The following RSPH10B2 variants were observed in gnomAD, a reference collection of about 807,000 sequenced individuals.
RSPH10B2 encodes the protein radial spoke head 10 homolog B2, also known as radial spoke head 10 homolog B2 (Chlamydomonas).
A neutral mutation model predicts 49.0 loss-of-function variants in RSPH10B2; 9 were observed. The ratio of observed to expected loss-of-function variants is 0.18; its 90% confidence interval spans 0.11 to 0.32. RSPH10B2 has a LOEUF of 0.32. RSPH10B2 is among the 10% of genes least tolerant of loss of function. The probability of loss-of-function intolerance (pLI) is 1.00; values close to 1 mark genes in which losing one functional copy is unlikely to be tolerated. For synonymous variants in RSPH10B2, 35 were observed against 210.2 expected, an observed-to-expected ratio of 0.17 and a Z score of 7.21; for missense variants, 95 against 589.9, an observed-to-expected ratio of 0.16 and a Z score of 8.69.
At chr7:6,795,579 G>T (rs1350896294) in intron 17 of RSPH10B2, among the ~76,000 whole-genome samples, 1 of 117,910 alleles carries the variant, frequency 8.5e-6, no homozygotes, top group African/African-American at 3.1e-5. Flanking sequence ...TTGAGACCAT[G>T]GGCAACATAG....
At chr7:6,795,826 G>C (rs1238886362) in intron 17 of RSPH10B2, among the ~76,000 whole-genome samples, 2 of 148,394 alleles carry the variant, frequency 1.3e-5, no homozygotes, top group African/African-American at 4.9e-5. Context: ...CTATTAGGGA[G>C]GCTGAGATGG....
chr7:6,785,186 TGTGTG>T, intron 13 of RSPH10B2, among the ~76,000 whole-genome samples: 1 of 96,796 alleles, frequency 1.0e-5, no homozygotes, highest in African/African-American at 3.9e-5. Context: ...TGTGTGTGTG[TGTGTG>T]TTTGAGACAG....
rs187546419 is a variant in RSPH10B2 at position 6,780,313 on chromosome 7, T to C, written c.1530-496T>C. On this transcript the variant is annotated intron_variant, in intron 11 of 18. Transcript: ENST00000297186. ...CAAATAGTCACAACCAAGTCTTCTTTCTTACATCAGAATTTCTTGTCTTTC... is the reference window on the plus strand; with the variant it reads ...CAAATAGTCACAACCAAGTCTTCTTCCTTACATCAGAATTTCTTGTCTTTC... Among the ~76,000 whole-genome samples, 347 of 126,402 alleles carry C rather than the reference T, an allele frequency of 2.7e-3. 35 individuals are homozygous for C. The highest frequency in any genetic ancestry group is 9.6e-3 in the African/African-American group (336 of 35,182). 82.9% of individuals were successfully genotyped at this position (126,402 alleles called of 152,430 possible).
At chr7:6,790,999 ATTT>A (rs201720427) in intron 16 of RSPH10B2, among the ~76,000 whole-genome samples, 6 of 88,602 alleles carry the variant, frequency 6.8e-5, no homozygotes, top group Admixed American at 1.3e-4. Context: ...GTATGGTTAA[ATTT>A]TTTTTTTTTT....
chr7:6,797,020 T>A, intron 18 of RSPH10B2: 2 of 365,684 alleles, frequency 5.5e-6, no homozygotes, highest in Non-Finnish European at 9.1e-6. Flanking sequence ...TAGTTTTATT[T>A]TTTTTTTTTA....
chr7:6,756,179 A>C (rs1454715290), upstream of RSPH10B2, among the ~76,000 whole-genome samples: 1 of 143,512 alleles, frequency 7.0e-6, no homozygotes, highest in Non-Finnish European at 1.5e-5. Context: ...CTGAGGCAGG[A>C]GAATGGCATG....
At chr7:6,764,424 C>T (rs1223376614) in intron 4 of RSPH10B2, among the ~76,000 whole-genome samples, 1 of 151,060 alleles carries the variant, frequency 6.6e-6, no homozygotes, top group Non-Finnish European at 1.5e-5. Context: ...GCAATGGTGC[C>T]ATCTCAGCTC....
chr7:6,786,401 A>G (rs1174677778), intron 14 of RSPH10B2, among the ~76,000 whole-genome samples: 1 of 115,218 alleles, frequency 8.7e-6, no homozygotes, highest in Non-Finnish European at 1.7e-5. Context: ...TCACCGTGTT[A>G]GCCAGGATGG....
chr7:6,796,632 C>G lies in RSPH10B2; in HGVS notation c.2298C>G (p.Tyr766Ter). 8.3e-7 allele frequency: 1 copy of G among 1,206,466 alleles called. No homozygotes were observed. The highest frequency in any genetic ancestry group is 1.1e-6 in the Non-Finnish European group (1 of 918,238). The allele number at this position is 1,206,466 out of a possible 1,614,324, so 74.7% of individuals were successfully genotyped here. The change falls in exon 18 of 19, where the codon TAC (tyrosine) becomes TAG (stop). Residue 766 changes from tyrosine to a stop codon, truncating the protein, a stop_gained. Coordinates refer to ENST00000297186, the Ensembl canonical transcript of RSPH10B2. LOFTEE classifies it high-confidence loss of function. ...TCAACACGTGGGTCAATAATACGTA[C>G]GTCTTCTTTGTGAACACGCTCTTTC...
intron 7 of RSPH10B2, among the ~76,000 whole-genome samples, chr7:6,769,703 C>T (rs1395559126): frequency 1.0e-4 from 12 of 117,514 alleles, no homozygotes; most frequent in African/African-American, 4.0e-4. Flanking sequence ...ATTCTTGTGC[C>T]TCAGCCACTA....
chr7:6,786,695 GTGTGCGTGTC>G (rs1343982200), intron 14 of RSPH10B2, among the ~76,000 whole-genome samples, 173 bp from the exon 17 acceptor site: 2 of 138,188 alleles, frequency 1.4e-5, no homozygotes, highest in African/African-American at 2.8e-5. Context: ...TAATATATGT[GTGTGCGTGTC>G]TGTGCGTGTG....
rs1211095020 is a variant in RSPH10B2 at position 6,760,543 on chromosome 7, T to G, written c.399+249T>G. 1.8e-5 allele frequency among the ~76,000 whole-genome samples: 2 copies of G among 110,392 alleles called. 1 individual carries two copies. Among genetic ancestry groups the G allele is most frequent in the Non-Finnish European group, 3.9e-5 (2 of 51,870 alleles). 72.4% of individuals were successfully genotyped at this position (110,392 alleles called of 152,430 possible). ...GAGAGCACACATACATGTATGTAGC[T>G]TGTCCTACTTTTTTCTTTGAGACAG... On this transcript the variant is annotated intron_variant, in intron 3 of 18. Transcript: ENST00000297186.
intron 6 of RSPH10B2, among the ~76,000 whole-genome samples, chr7:6,768,062 G>A (rs1312687734): frequency 2.1e-5 from 3 of 141,146 alleles, no homozygotes; most frequent in African/African-American, 8.4e-5. Context: ...AGTGGTCTCT[G>A]GTGCCTGTAG....
chr7:6,781,352 G>A lies in RSPH10B2; in HGVS notation c.1634G>A (p.Arg545Gln), dbSNP rs1185937949. Residue 545 changes from arginine (R) to glutamine (Q), a missense_variant, in exon 13 of 19, where the codon CGG becomes CAG. Coordinates refer to ENST00000297186, the Ensembl canonical transcript of RSPH10B2. The stretch of plus-strand genomic sequence containing the variant: ...GGCAATTTATTCCGTGAGCAACAGC[G>A]GACGCTCTACTCTATGAGTTACATG... The A allele has an allele frequency of 1.0e-5, 13 of 1,258,330 alleles. 4 individuals are homozygous for A. Among genetic ancestry groups the A allele is most frequent in the African/African-American group, 3.7e-5 (2 of 53,882 alleles). The allele number at this position is 1,258,330 out of a possible 1,614,324, so 77.9% of individuals were successfully genotyped here.
Position 6,781,048 on chromosome 7 carries a change from C to A in RSPH10B2, c.1609+160C>A, listed in dbSNP as rs1781916888. ...TCAAGGAGTTCAAGACCAACCTGGCCAACATGGCAAAACCCCATCTCTACT... is the reference window on the plus strand; with the variant it reads ...TCAAGGAGTTCAAGACCAACCTGGCAAACATGGCAAAACCCCATCTCTACT... On this transcript the variant is annotated intron_variant, in intron 12 of 18. Transcript: ENST00000297186. Among the ~76,000 whole-genome samples, 3 of 115,608 alleles carry A rather than the reference C, an allele frequency of 2.6e-5. No homozygotes were observed. In the Admixed American group the frequency reaches 3.0e-4, roughly 11 times the overall value. 75.8% of individuals were successfully genotyped at this position (115,608 alleles called of 152,430 possible).
chr7:6,782,163 C>G (rs2115455697), intron 13 of RSPH10B2, among the ~76,000 whole-genome samples: 1 of 135,070 alleles, frequency 7.4e-6, no homozygotes, highest in African/African-American at 2.9e-5. Context: ...ATCCACCCGC[C>G]TCAGCCTCCC....
At position 6,796,815 on chromosome 7, in the gene RSPH10B2, C is replaced by T. The variant is rs760211191; in HGVS notation, c.2432+49C>T. ...CCTTCCCCAGCTGCTCGCTCTCTTCCTGTCTTCCGTAGCTGCCAGAACGCA... is the reference window on the plus strand; with the variant it reads ...CCTTCCCCAGCTGCTCGCTCTCTTCTTGTCTTCCGTAGCTGCCAGAACGCA... On this transcript the variant is annotated intron_variant, in intron 18 of 18. Transcript: ENST00000297186. The T allele has an allele frequency of 4.2e-5, 49 of 1,180,546 alleles. 16 individuals are homozygous for T. Among genetic ancestry groups the T allele is most frequent in the Middle Eastern group, 2.5e-4 (1 of 4,056 alleles). The allele number at this position is 1,180,546 out of a possible 1,614,324, so 73.1% of individuals were successfully genotyped here. A position where few individuals can be genotyped will look rare whatever the true frequency, so the allele number is the denominator to read the frequency against.
intron 11 of RSPH10B2, among the ~76,000 whole-genome samples, chr7:6,780,097 A>G (rs1364958133): frequency 1.8e-5 from 2 of 111,866 alleles, no homozygotes; most frequent in African/African-American, 6.5e-5. Flanking sequence ...TTCTGGGATT[A>G]CAGGCGTGAG....
chr7:6,796,462 G>C, intron 17 of RSPH10B2, 106 bp from the exon 20 acceptor site: 1 of 755,172 alleles, frequency 1.3e-6, no homozygotes, highest in Non-Finnish European at 1.9e-6. Flanking sequence ...TCCTGGCCGA[G>C]GAGAAGGGGG....
Sources: allele counts gnomAD v4.1 joint callset (sites outside exome capture counted in the v4.1 genomes callset), GRCh38; gene constraint gnomAD v4.1.1; transcripts MANE v1.5; gene names NCBI Gene and HGNC (gene_info 2026-07-23, HGNC 2026-07-21).